PDLIM5: variants seen among roughly 807,000 people sequenced by gnomAD.
PDLIM5 encodes PDZ and LIM domain 5.
Under a neutral mutation model 64.2 loss-of-function variants are expected in PDLIM5, and 34 were observed. The observed-to-expected ratio is 0.53, with a 90% CI of 0.40 to 0.71. PDLIM5 has a LOEUF of 0.71. Ranked by LOEUF, PDLIM5 falls within the 30% of genes least tolerant of loss-of-function variation. The pLI, the probability that PDLIM5 is intolerant of heterozygous loss-of-function variation, is 0.00. For missense variants in PDLIM5, 683 were observed against 733.6 expected (o/e 0.93, Z 0.80); for synonymous variants, 253 against 269.1 (o/e 0.94, Z 0.59).
intron 2 of PDLIM5, 57 bp downstream of exon 2, chr4:94,455,441 C>T: frequency 2.7e-6 from 3 of 1,094,612 alleles, no homozygotes; most frequent in Non-Finnish European, 4.2e-6. Flanking sequence ...AGTCCTCGGG[C>T]TGAGTTGTTT....
chr4:94,622,935 C>T (rs1560747620), intron 8 of PDLIM5, among the ~76,000 whole-genome samples: 1 of 151,984 alleles, frequency 6.6e-6, no homozygotes, highest in East Asian at 1.9e-4. Context: ...TCCCAAAGTG[C>T]TGGGATTACA....
chr4:94,565,471 T>C (rs577192878), intron 3 of PDLIM5, among the ~76,000 whole-genome samples: 1 of 152,342 alleles, frequency 6.6e-6, no homozygotes, highest in Non-Finnish European at 1.5e-5. Context: ...CATTCTGTTA[T>C]TGGTAGCATG....
At chr4:94,506,671 A>G (rs972713080) in intron 2 of PDLIM5, among the ~76,000 whole-genome samples, 2 of 152,246 alleles carry the variant, frequency 1.3e-5, no homozygotes, top group Non-Finnish European at 2.9e-5. Context: ...AACATTCAGA[A>G]CATAGCATTC....
chr4:94,528,821 C>T (rs1730603723), intron 3 of PDLIM5, among the ~76,000 whole-genome samples: 1 of 152,166 alleles, frequency 6.6e-6, no homozygotes, highest in African/African-American at 2.4e-5. Context: ...TGTGAGGGAG[C>T]ACCTTCTCAC....
intron 7 of PDLIM5, chr4:94,587,338 C>T: frequency 8.0e-7 from 1 of 1,249,522 alleles, no homozygotes; most frequent in Non-Finnish European, 1.0e-6. Flanking sequence ...GGATTTGTAT[C>T]TGTTTTTGTT....
At chr4:94,452,952 A>G (rs368865926) in intron 1 of PDLIM5, among the ~76,000 whole-genome samples, 10 of 151,724 alleles carry the variant, frequency 6.6e-5, no homozygotes, top group African/African-American at 2.2e-4. Context: ...TTCTCTCTCC[A>G]TTGCGGGGAA....
intron 12 of PDLIM5, 91 bp from the exon 13 acceptor site, chr4:94,663,887 G>A (rs56921499): frequency 0.57 from 756,347 of 1,335,606 alleles, 216,772 homozygotes; most frequent in African/African-American, 0.59. Flanking sequence ...CCATTGGGGG[G>A]AAAAATCACT....
chr4:94,583,117 A>G (rs1560719460), intron 5 of PDLIM5: 1 of 155,380 alleles, frequency 6.4e-6, no homozygotes, highest in African/African-American at 2.4e-5. Context: ...TCCCAAATGC[A>G]TTTTTTAAAA....
intron 11 of PDLIM5, among the ~76,000 whole-genome samples, chr4:94,657,885 T>C (rs922979452): frequency 7.9e-5 from 12 of 152,168 alleles, no homozygotes; most frequent in Admixed American, 6.5e-4. Context: ...TTTGTATTTT[T>C]AGTAGAGACA....
intron 3 of PDLIM5, among the ~76,000 whole-genome samples, chr4:94,543,240 A>T (rs1731984458): frequency 6.6e-6 from 1 of 152,146 alleles, no homozygotes; most frequent in African/African-American, 2.4e-5. Context: ...TCCCTCTAGG[A>T]GAATCCTTCT....
At chr4:94,511,182 C>CTAAG (rs1728839030) in intron 2 of PDLIM5, among the ~76,000 whole-genome samples, 1 of 152,186 alleles carries the variant, frequency 6.6e-6, no homozygotes, top group Non-Finnish European at 1.5e-5. Flanking sequence ...CTTTATACTA[C>CTAAG]TAAGGGTTGC....
intron 5 of PDLIM5, chr4:94,584,680 G>T: frequency 6.5e-6 from 2 of 306,154 alleles, no homozygotes; most frequent in Non-Finnish European, 1.2e-5. Flanking sequence ...AATTGTATTC[G>T]GAATTGCTAG....
At chr4:94,589,290 A>G (rs2110325497) in intron 7 of PDLIM5, among the ~76,000 whole-genome samples, 2 of 152,362 alleles carry the variant, frequency 1.3e-5, no homozygotes, top group South Asian at 4.1e-4. Context: ...TCCCTAATAC[A>G]GACAAGAGAA....
chr4:94,586,086 T>G (rs936267133), intron 6 of PDLIM5, among the ~76,000 whole-genome samples: 1 of 151,980 alleles, frequency 6.6e-6, no homozygotes, highest in African/African-American at 2.4e-5. Context: ...AGGAGAATCA[T>G]TTGAACCGGG....
At chr4:94,631,133 C>T (rs750161597) in intron 8 of PDLIM5, among the ~76,000 whole-genome samples, 2 of 151,236 alleles carry the variant, frequency 1.3e-5, no homozygotes, top group Non-Finnish European at 2.9e-5. Flanking sequence ...AAACTCCTAG[C>T]CTCAAGTGAG....
chr4:94,581,562 C>T (rs567184438), intron 5 of PDLIM5, among the ~76,000 whole-genome samples: 36 of 152,262 alleles, frequency 2.4e-4, no homozygotes, highest in African/African-American at 6.0e-4. Flanking sequence ...CTGCATCTCA[C>T]CCTCACTCAG....
At position 94,585,587 on chromosome 4, in the gene PDLIM5, G is replaced by A; in HGVS notation, c.733G>A (p.Glu245Lys). 6.2e-7 allele frequency: 1 copy of A among 1,600,620 alleles called. No homozygotes were observed. The highest frequency in any genetic ancestry group is 8.5e-7 in the Non-Finnish European group (1 of 1,172,430). ...TAGCCCACCAAGAAAACACATTGTG[G>A]AGCGCTATACAGAGTTTTATCATGT... ...QNGPPRKHIV[E>K]RYTEFYHVPT... The change falls in exon 6 of 13, where the codon GAG becomes AAG. Residue 245 changes from glutamate to lysine, a missense_variant. Transcript: ENST00000317968.
intron 2 of PDLIM5, among the ~76,000 whole-genome samples, chr4:94,478,090 T>A (rs1167970481): frequency 6.6e-6 from 1 of 151,882 alleles, no homozygotes; most frequent in Non-Finnish European, 1.5e-5. Context: ...ACCCCGTCTC[T>A]ACTAAAAATA....
chr4:94,650,716 C>T (rs1408196233), intron 9 of PDLIM5, among the ~76,000 whole-genome samples: 1 of 152,170 alleles, frequency 6.6e-6, no homozygotes, highest in Non-Finnish European at 1.5e-5. Context: ...TAGGTTGTGC[C>T]TGTTGAAATC....
Sources: gnomAD v4.1 joint callset for allele counts (sites outside exome capture counted in the v4.1 genomes callset) on GRCh38, gnomAD v4.1.1 for gene constraint, MANE v1.5 for transcripts, NCBI Gene and HGNC (gene_info 2026-07-23, HGNC 2026-07-21) for gene names.